ADGRL3: variants seen among roughly 807,000 people sequenced by gnomAD.
ADGRL3 encodes the protein adhesion G protein-coupled receptor L3, also known as calcium-independent alpha-latrotoxin receptor 3.
ADGRL3 carries 62 observed loss-of-function variants against 153.5 expected under a neutral mutation model. The ratio of observed to expected loss-of-function variants is 0.40; its 90% CI spans 0.33 to 0.50. The LOEUF (loss-of-function observed/expected upper bound fraction) is 0.50. Among genes scored for constraint, ADGRL3 ranks in the 20% least tolerant of loss-of-function variants. ADGRL3 has a pLI of 0.47. For synonymous variants in ADGRL3, 710 were observed against 672.5 expected (o/e 1.06, Z -0.86); for missense variants, 1,641 against 1,859.4 (o/e 0.88, Z 2.16).
At position 61,892,724 on chromosome 4, in the gene ADGRL3, T is replaced by C. The variant is rs780173593; in HGVS notation, c.1549T>C (p.Leu517=). 6.2e-7 allele frequency: 1 copy of C among 1,613,862 alleles called. No homozygotes were observed. Residue 517 remains leucine, a synonymous_variant, in exon 10 of 27, where the codon TTG becomes CTG. Transcript: ENST00000683033. The stretch of plus-strand genomic sequence containing the variant: ...CAGTACCACCCTTCGGACCACAACT[T>C]TGAGCCCAGGAAGGAGTACCACCCC... ...TTSTTLRTTT[L]SPGRSTTPSV...
rs114845584 is a variant in ADGRL3, at chr4:62,068,119, A to T, written c.3815-47A>T. 367 of 1,360,986 alleles carry T rather than the reference A, an allele frequency of 2.7e-4. 2 individuals are homozygous for T. The African/African-American group carries it at 5.0e-3, about 19-fold the overall frequency. The allele number at this position is 1,360,986 out of a possible 1,614,324, so 84.3% of individuals were successfully genotyped here. A position where few individuals can be genotyped will look rare whatever the true frequency, so the allele number is the denominator to read the frequency against. Reference sequence around the variant, plus strand: ...TCATGTTTCTTCTACTGTCGCTGTAAGCTTACTTGTTGTTTTTTCTTTCCT... The same window carrying T: ...TCATGTTTCTTCTACTGTCGCTGTATGCTTACTTGTTGTTTTTTCTTTCCT... On this transcript the variant is annotated intron_variant, in intron 25 of 26. Coordinates refer to ENST00000683033, the MANE Select transcript of ADGRL3 (RefSeq NM_001387552.1).
intron 2 of ADGRL3, among the ~76,000 whole-genome samples, chr4:61,395,895 G>A (rs567761417): frequency 2.0e-5 from 3 of 151,836 alleles, no homozygotes; most frequent in Non-Finnish European, 4.4e-5. Flanking sequence ...AAGGAGGAAC[G>A]CACAGATTTG....
chr4:61,868,284 A>G (rs913335431), intron 9 of ADGRL3, among the ~76,000 whole-genome samples: 2 of 152,042 alleles, frequency 1.3e-5, no homozygotes, highest in African/African-American at 4.8e-5. Context: ...TTCTCTCCCC[A>G]TAGATCTCAG....
At chr4:61,782,867 A>G (rs1480224592) in intron 8 of ADGRL3, among the ~76,000 whole-genome samples, 1 of 152,130 alleles carries the variant, frequency 6.6e-6, no homozygotes, top group East Asian at 1.9e-4. Context: ...AGTCTGCTTC[A>G]TTTTAGAGCC....
chr4:61,325,663 A>G (rs2095449110), intron 1 of ADGRL3, among the ~76,000 whole-genome samples: 1 of 152,034 alleles, frequency 6.6e-6, no homozygotes, highest in Non-Finnish European at 1.5e-5. Context: ...GCTTTATTTT[A>G]TTTTTTTCTA....
At chr4:61,844,575 A>AAAAAATATATAT (rs1554045137) in intron 9 of ADGRL3, among the ~76,000 whole-genome samples, 2 of 18,106 alleles carry the variant, frequency 1.1e-4, no homozygotes, top group African/African-American at 5.2e-4. Context: ...AAAAAAAAAA[A>AAAAAATATATAT]ATATATATAT....
rs772886943 is a variant in ADGRL3 at position 61,733,076 on chromosome 4, T to C, written c.921T>C (p.Ser307=). The change falls in exon 8 of 27, where the codon AGT becomes AGC. Residue 307 remains serine, a synonymous_variant. Coordinates refer to ENST00000683033, the MANE Select transcript of ADGRL3 (RefSeq NM_001387552.1). ...VKFDLRTRIK[S]GEAIIANANY... is the part of the protein sequence containing the mutation. ...TTGATTTGCGGACTAGGATAAAGAG[T>C]GGAGAGGCTATCATAGCAAATGCCA... The C allele has an allele frequency of 6.2e-7, 1 of 1,613,428 alleles. No individual in the cohort carries two copies. Among genetic ancestry groups the C allele is most frequent in the African/African-American group, 1.3e-5 (1 of 74,926 alleles).
chr4:61,721,100 A>T (rs193121362), intron 6 of ADGRL3, among the ~76,000 whole-genome samples: 16 of 152,204 alleles, frequency 1.1e-4, no homozygotes, highest in Non-Finnish European at 2.2e-4. Context: ...ATAAGGAGGA[A>T]TTCCACAGAT....
intron 17 of ADGRL3, among the ~76,000 whole-genome samples, chr4:61,973,078 C>A (rs1190363241): frequency 6.6e-6 from 1 of 151,344 alleles, no homozygotes; most frequent in East Asian, 1.9e-4. Context: ...GGAAACACTT[C>A]CATAGTTAAA....
chr4:61,683,556 G>C (rs1052224867), intron 6 of ADGRL3, among the ~76,000 whole-genome samples: 1 of 152,126 alleles, frequency 6.6e-6, no homozygotes, highest in East Asian at 1.9e-4. Context: ...TGATTGGTTT[G>C]TGAGTGTACA....
chr4:61,721,075 T>C (rs149070632), intron 6 of ADGRL3, among the ~76,000 whole-genome samples: 24 of 152,278 alleles, frequency 1.6e-4, no homozygotes, highest in African/African-American at 5.5e-4. Context: ...AAGAATAACT[T>C]AAATGTGAAT....
intron 2 of ADGRL3, among the ~76,000 whole-genome samples, chr4:61,456,782 A>T (rs1466161312): frequency 6.6e-6 from 1 of 151,816 alleles, no homozygotes; most frequent in Non-Finnish European, 1.5e-5. Flanking sequence ...AAAACACTTC[A>T]TTTGTCAGTT....
chr4:61,933,383 G>T (rs1048957090), intron 13 of ADGRL3, among the ~76,000 whole-genome samples: 1 of 151,864 alleles, frequency 6.6e-6, no homozygotes, highest in African/African-American at 2.4e-5. Flanking sequence ...ATTTTGTTGT[G>T]ATCCAGAAGT....
At chr4:61,393,266 C>CAA (rs2096834138) in intron 2 of ADGRL3, among the ~76,000 whole-genome samples, 1 of 152,016 alleles carries the variant, frequency 6.6e-6, no homozygotes, top group Non-Finnish European at 1.5e-5. Flanking sequence ...TATACTCTGT[C>CAA]AGAAGTCAAT....
chr4:61,810,976 A>G (rs1448229467), intron 8 of ADGRL3, among the ~76,000 whole-genome samples: 1 of 152,132 alleles, frequency 6.6e-6, no homozygotes, highest in South Asian at 2.1e-4. Flanking sequence ...CACCTCAAAA[A>G]CAAACAAACA....
intron 8 of ADGRL3, among the ~76,000 whole-genome samples, chr4:61,734,059 T>TTAAC (rs1208377592): frequency 6.6e-6 from 1 of 152,168 alleles, no homozygotes; most frequent in East Asian, 1.9e-4. Flanking sequence ...CTGTTCTGAA[T>TTAAC]TAACTTAATT....
chr4:61,436,157 T>A (rs2097442941), intron 2 of ADGRL3, among the ~76,000 whole-genome samples: 1 of 152,166 alleles, frequency 6.6e-6, no homozygotes, highest in Admixed American at 6.6e-5. Flanking sequence ...GTCTTGCAGA[T>A]GTTTGTTAGC....
intron 2 of ADGRL3, among the ~76,000 whole-genome samples, chr4:61,458,255 T>C (rs1269790154): frequency 6.6e-6 from 1 of 151,476 alleles, no homozygotes; most frequent in African/African-American, 2.4e-5. Context: ...TTTGTTATAA[T>C]ATGAAAAATG....
chr4:61,396,802 A>T (rs1055605309), intron 2 of ADGRL3, among the ~76,000 whole-genome samples: 23 of 151,812 alleles, frequency 1.5e-4, no homozygotes, highest in African/African-American at 5.6e-4. Flanking sequence ...AATAACATGT[A>T]TTTTCATAGT....
Sources: allele counts gnomAD v4.1 joint callset (sites outside exome capture counted in the v4.1 genomes callset), GRCh38; gene constraint gnomAD v4.1.1; transcripts MANE v1.5; gene names NCBI Gene and HGNC (gene_info 2026-07-23, HGNC 2026-07-21).